Variants in NRXN1 observed in about 807,000 individuals in gnomAD.
NRXN1 encodes the protein neurexin-1.
NRXN1 carries 39 observed loss-of-function variants against 150.9 expected under a neutral mutation model. The observed-to-expected ratio is 0.26, with a 90% confidence interval of 0.20 to 0.34. The LOEUF (loss-of-function observed/expected upper bound fraction) is 0.34, where lower values mean the gene tolerates loss of function less well. NRXN1 is among the 10% of genes least tolerant of loss of function. The probability of loss-of-function intolerance (pLI) is 1.00; values close to 1 mark genes in which losing one functional copy is unlikely to be tolerated. For synonymous variants in NRXN1, 924 were observed against 757.0 expected (o/e 1.22, Z -3.62); for missense variants, 1,815 against 1,949.9 (o/e 0.93, Z 1.30).
intron 5 of NRXN1, among the ~76,000 whole-genome samples, chr2:50,749,021 A>C (rs2105318724): frequency 6.6e-6 from 1 of 152,232 alleles, no homozygotes; most frequent in African/African-American, 2.4e-5. Flanking sequence ...TGCTTTGTAA[A>C]GCACTGGTCT....
chr2:50,635,165 CT>C (rs200301567), intron 5 of NRXN1, among the ~76,000 whole-genome samples: 105 of 146,578 alleles, frequency 7.2e-4, no homozygotes, highest in Admixed American at 8.2e-4. Flanking sequence ...TTAAATTCTT[CT>C]TTTTTTTTTT....
In NRXN1 at chr2:51,028,043, G is replaced by A. The variant is rs759494257; in HGVS notation, c.231C>T (p.Asp77=). The change falls in exon 2 of 23, where the codon GAC becomes GAT. Residue 77 remains aspartate (D), a synonymous_variant. Transcript: ENST00000401669. ...VLYFDDEGFC[D]FLELILTRGG... The stretch of plus-strand genomic sequence containing the variant: ...CGCGCGTCAGAATCAGCTCCAGGAA[G>A]TCGCAGAAGCCCTCGTCGTCGAAGT... 5.0e-6 allele frequency: 8 copies of A among 1,599,248 alleles called. No homozygotes were observed. In the South Asian group the frequency reaches 6.6e-5, roughly 13 times the overall value.
At chr2:50,577,143 G>A (rs750494395) in intron 8 of NRXN1, among the ~76,000 whole-genome samples, 1 of 151,932 alleles carries the variant, frequency 6.6e-6, no homozygotes, top group African/African-American at 2.4e-5. Context: ...TTGGTGAGAC[G>A]CTTCACATGC....
intron 10 of NRXN1, among the ~76,000 whole-genome samples, chr2:50,537,113 G>A (rs978734025): frequency 6.6e-6 from 1 of 151,992 alleles, no homozygotes; most frequent in Non-Finnish European, 1.5e-5. Flanking sequence ...ACCAAAATCA[G>A]GTTTCAATTT....
At chr2:49,976,491 T>C (rs954395667) in intron 21 of NRXN1, among the ~76,000 whole-genome samples, 9 of 152,194 alleles carry the variant, frequency 5.9e-5, no homozygotes, top group Non-Finnish European at 1.2e-4. Flanking sequence ...TTTTCTAATT[T>C]AAAATGAATT....
At chr2:50,949,797 G>A (rs924139270) in intron 2 of NRXN1, among the ~76,000 whole-genome samples, 3 of 152,102 alleles carry the variant, frequency 2.0e-5, no homozygotes, top group African/African-American at 7.2e-5. Flanking sequence ...ACTAATATTT[G>A]CTACCTTTGT....
intron 5 of NRXN1, among the ~76,000 whole-genome samples, chr2:50,791,956 GA>G (rs1181309852): frequency 1.3e-5 from 2 of 152,036 alleles, no homozygotes; most frequent in Non-Finnish European, 2.9e-5. Flanking sequence ...GTATGCTTTA[GA>G]AACATACATC....
At chr2:50,806,398 T>G (rs567269270) in intron 5 of NRXN1, among the ~76,000 whole-genome samples, 1 of 152,332 alleles carries the variant, frequency 6.6e-6, no homozygotes, top group East Asian at 1.9e-4. Flanking sequence ...TAACATATAC[T>G]TTAACCCTAT....
chr2:50,718,589 A>G (rs1170181450), intron 5 of NRXN1, among the ~76,000 whole-genome samples: 1 of 152,224 alleles, frequency 6.6e-6, no homozygotes, highest in African/African-American at 2.4e-5. Flanking sequence ...TTTGACAATG[A>G]GTACAAAGCT....
At chr2:50,499,559 A>ATT (rs760255376) in intron 13 of NRXN1, among the ~76,000 whole-genome samples, 3,762 of 152,262 alleles carry the variant, frequency 0.025, 61 homozygotes, top group Non-Finnish European at 0.037. Context: ...TCTTTGGTAA[A>ATT]AAATAAAATT....
At chr2:50,304,690 A>G (rs1208153836) in intron 17 of NRXN1, among the ~76,000 whole-genome samples, 1 of 152,174 alleles carries the variant, frequency 6.6e-6, no homozygotes, top group Non-Finnish European at 1.5e-5. Context: ...ATCTTTTACT[A>G]TCAGTGTGTT....
chr2:50,351,103 T>C, intron 17 of NRXN1, among the ~76,000 whole-genome samples: 1 of 152,192 alleles, frequency 6.6e-6, no homozygotes, highest in Admixed American at 6.5e-5. Context: ...TTAATTTGTG[T>C]CTCTTCAGCT....
chr2:50,371,927 A>C (rs1465709391), intron 17 of NRXN1, among the ~76,000 whole-genome samples: 1 of 151,996 alleles, frequency 6.6e-6, no homozygotes, highest in Non-Finnish European at 1.5e-5. Flanking sequence ...ACCACCTCTC[A>C]TGTTATCATG....
At chr2:50,523,494 T>C (rs530695899) in intron 12 of NRXN1, among the ~76,000 whole-genome samples, 2 of 152,340 alleles carry the variant, frequency 1.3e-5, no homozygotes, top group East Asian at 3.9e-4. Flanking sequence ...AGAAATTTCC[T>C]CATATCTTTT....
chr2:50,333,632 G>A (rs1355924735), intron 17 of NRXN1, among the ~76,000 whole-genome samples: 2 of 151,842 alleles, frequency 1.3e-5, no homozygotes, highest in East Asian at 2.0e-4. Flanking sequence ...GAGTCCTCCC[G>A]AAGGTGTCTG....
intron 17 of NRXN1, among the ~76,000 whole-genome samples, chr2:50,328,798 A>T (rs1303652180): frequency 6.6e-6 from 1 of 152,172 alleles, no homozygotes; most frequent in African/African-American, 2.4e-5. Context: ...TCACCGCTAT[A>T]AACTTCTGTC....
intron 18 of NRXN1, among the ~76,000 whole-genome samples, chr2:50,220,677 T>A (rs944287113): frequency 6.6e-6 from 1 of 152,072 alleles, no homozygotes; most frequent in Non-Finnish European, 1.5e-5. Context: ...GTTCCACGTC[T>A]TTTTGTGAAT....
At chr2:50,288,834 T>G (rs1483498074) in intron 17 of NRXN1, among the ~76,000 whole-genome samples, 2 of 152,154 alleles carry the variant, frequency 1.3e-5, no homozygotes, top group Non-Finnish European at 2.9e-5. Flanking sequence ...AGCCAAACCA[T>G]ATCTCCTTTT....
chr2:50,888,545 T>C (rs1208207147), intron 5 of NRXN1, among the ~76,000 whole-genome samples: 1 of 151,604 alleles, frequency 6.6e-6, no homozygotes, highest in Non-Finnish European at 1.5e-5. Context: ...CCCTCTGTTA[T>C]CTTTTCCTCC....
Sources: allele counts gnomAD v4.1 joint callset (sites outside exome capture counted in the v4.1 genomes callset), GRCh38; gene constraint gnomAD v4.1.1; transcripts MANE v1.5; gene names NCBI Gene and HGNC (gene_info 2026-07-23, HGNC 2026-07-21).